The following PAPPA variants were observed in gnomAD, a reference collection of about 807,000 sequenced individuals.
PAPPA encodes the protein pappalysin 1.
PAPPA carries 60 observed loss-of-function variants against 164.0 expected under a neutral mutation model. The observed-to-expected ratio is 0.37, with a 90% CI of 0.30 to 0.45. The LOEUF (loss-of-function observed/expected upper bound fraction) is 0.45. PAPPA is among the 20% of genes least tolerant of loss of function. The pLI, the probability that PAPPA is intolerant of heterozygous loss-of-function variation, is 1.00. For missense variants in PAPPA, 1,782 were observed against 2,087.3 expected (o/e 0.85, Z 2.85); for synonymous variants, 875 against 814.1 (o/e 1.07, Z -1.27).
intron 20 of PAPPA, among the ~76,000 whole-genome samples, chr9:116,380,773 G>C (rs1015645125): frequency 6.6e-6 from 1 of 152,178 alleles, no homozygotes; most frequent in Non-Finnish European, 1.5e-5. Flanking sequence ...TTAGACTCTA[G>C]TAGTAGAGTG....
At chr9:116,303,000 G>A (rs376737020) in intron 10 of PAPPA, 50 bp downstream of exon 10, 16 of 1,524,242 alleles carry the variant, frequency 1.0e-5, no homozygotes, top group East Asian at 2.3e-5. Flanking sequence ...CAAAGTCTCC[G>A]CTATGCCCCA....
rs772241049 is a variant in PAPPA at position 116,396,626 on chromosome 9, A to G, written c.*10A>G. 1 of 779,722 alleles carries G rather than the reference A, an allele frequency of 1.3e-6. No individual in the cohort carries two copies. The highest frequency in any genetic ancestry group is 1.3e-5 in the South Asian group (1 of 74,534). 48.3% of individuals were successfully genotyped at this position (779,722 alleles called of 1,614,324 possible). ...ATACAGCCATGGCTAAGGAAGGACA[A>G]GAAGTTGTCAAAGAATTCCCAACGC... On this transcript the variant is annotated 3_prime_UTR_variant, in exon 22 of 22. Coordinates refer to ENST00000328252, the MANE Select transcript of PAPPA (RefSeq NM_002581.5).
chr9:116,195,605 G>T (rs1844094829), intron 2 of PAPPA, among the ~76,000 whole-genome samples: 1 of 152,188 alleles, frequency 6.6e-6, no homozygotes, highest in Non-Finnish European at 1.5e-5. Flanking sequence ...GTGGTTTAGA[G>T]GATTGGATGA....
At chr9:116,314,099 G>A (rs936556066) in intron 10 of PAPPA, among the ~76,000 whole-genome samples, 6 of 113,826 alleles carry the variant, frequency 5.3e-5, no homozygotes, top group African/African-American at 2.0e-4. Context: ...TTGAGATGGA[G>A]TCTCACTCTT....
intron 9 of PAPPA, among the ~76,000 whole-genome samples, chr9:116,284,545 CTTTTTTTTTTTTT>C (rs61248033): frequency 1.1e-5 from 1 of 88,240 alleles, no homozygotes; most frequent in African/African-American, 4.6e-5. Flanking sequence ...TAGTCTGGGC[CTTTTTTTTTTTTT>C]TTTTTTTTTT....
intron 1 of PAPPA, among the ~76,000 whole-genome samples, chr9:116,171,107 A>T (rs1312607545): frequency 6.6e-6 from 1 of 152,198 alleles, no homozygotes; most frequent in East Asian, 1.9e-4. Context: ...CCCTTAGGTT[A>T]GCAGGTACTG....
intron 9 of PAPPA, among the ~76,000 whole-genome samples, chr9:116,299,682 G>A (rs761099626): frequency 1.3e-5 from 2 of 152,160 alleles, no homozygotes; most frequent in Non-Finnish European, 2.9e-5. Flanking sequence ...GTAGGGAGAA[G>A]ATTTCTCTGC....
intron 7 of PAPPA, among the ~76,000 whole-genome samples, chr9:116,237,206 C>A (rs1022429294): frequency 3.3e-5 from 5 of 152,232 alleles, no homozygotes; most frequent in African/African-American, 1.2e-4. Context: ...ATGTGCACAT[C>A]ACAGGCAAAC....
At position 116,184,206 on chromosome 9, in the gene PAPPA, A is replaced by G. The variant is rs536097392; in HGVS notation, c.416-2948A>G. ...GGAACCTCTGCTCTCAACTGGTTCC[A>G]TAACAGGCAGCAACAGATAGATCTG... On this transcript the variant is annotated intron_variant, in intron 1 of 21. Coordinates refer to ENST00000328252, the MANE Select transcript of PAPPA (RefSeq NM_002581.5). Among the ~76,000 whole-genome samples, 4 of 152,354 alleles carry G rather than the reference A, an allele frequency of 2.6e-5. No homozygotes were observed. The South Asian group carries it at 8.3e-4, about 32-fold the overall frequency.
At position 116,330,448 on chromosome 9, in the gene PAPPA, T is replaced by C. The variant is rs114666076; in HGVS notation, c.3148-796T>C. On this transcript the variant is annotated intron_variant, in intron 10 of 21. Transcript: ENST00000328252. ...TGACAAGCAATAGTTACTCAATAAA[T>C]ATCATTTGAATGAATGAATGAACCA... 4.0e-3 allele frequency among the ~76,000 whole-genome samples: 614 copies of C among 152,350 alleles called. 3 individuals carry two copies. The highest frequency in any genetic ancestry group is 0.014 in the African/African-American group (578 of 41,576).
intron 2 of PAPPA, among the ~76,000 whole-genome samples, chr9:116,197,538 C>G (rs1206223904): frequency 6.6e-6 from 1 of 152,232 alleles, no homozygotes; most frequent in Non-Finnish European, 1.5e-5. Context: ...GTGGCATCCT[C>G]TTTCCAAAAA....
chr9:116,364,781 G>GT (rs1331126265), intron 18 of PAPPA, among the ~76,000 whole-genome samples: 1 of 152,134 alleles, frequency 6.6e-6, no homozygotes, highest in Non-Finnish European at 1.5e-5. Flanking sequence ...TGGGAGGGTG[G>GT]TATTTCTTTA....
intron 20 of PAPPA, 120 bp downstream of exon 20, chr9:116,377,767 T>G: frequency 1.4e-6 from 1 of 713,546 alleles, no homozygotes. Context: ...AAATATCCAT[T>G]TAGCAGACTT....
intron 5 of PAPPA, 27 bp downstream of exon 5, chr9:116,220,156 C>T (rs781723014): frequency 6.5e-7 from 1 of 1,533,638 alleles, no homozygotes; most frequent in Non-Finnish European, 8.9e-7. Context: ...TAGTGTTGAT[C>T]CCTCTCTCTC....
chr9:116,214,523 T>G (rs534785630), intron 4 of PAPPA, among the ~76,000 whole-genome samples: 1 of 152,304 alleles, frequency 6.6e-6, no homozygotes, highest in African/African-American at 2.4e-5. Flanking sequence ...TGCCTCATTT[T>G]CTGGTTGTGG....
At chr9:116,175,717 G>A (rs189380573) in intron 1 of PAPPA, among the ~76,000 whole-genome samples, 63 of 152,216 alleles carry the variant, frequency 4.1e-4, no homozygotes, top group African/African-American at 1.4e-3. Flanking sequence ...TGGTGATACA[G>A]GCTCTATATA....
At position 116,289,421 on chromosome 9, in the gene PAPPA, C is replaced by CAT. The variant is rs149045092; in HGVS notation, c.2954-13324_2954-13323dup. ...CTATATATATATAGCATATATATAG[C>CAT]ATATATATATATAGACTTTCATTTG... is the stretch of plus-strand genomic sequence containing the variant. On this transcript the variant is annotated intron_variant, in intron 9 of 21. Transcript: ENST00000328252. 1.6e-3 allele frequency among the ~76,000 whole-genome samples: 222 copies of CAT among 141,812 alleles called. 1 individual carries two copies. The highest frequency in any genetic ancestry group is 5.5e-3 in the African/African-American group (212 of 38,402). 93.0% of individuals were successfully genotyped at this position (141,812 alleles called of 152,430 possible).
intron 1 of PAPPA, among the ~76,000 whole-genome samples, chr9:116,169,853 G>T (rs1469969882): frequency 6.6e-6 from 1 of 151,924 alleles, no homozygotes; most frequent in African/African-American, 2.4e-5. Flanking sequence ...AGAATGGATT[G>T]CATGAGGCCA....
intron 10 of PAPPA, among the ~76,000 whole-genome samples, chr9:116,320,415 G>T (rs1845839598): frequency 6.6e-6 from 1 of 152,228 alleles, no homozygotes; most frequent in African/African-American, 2.4e-5. Context: ...TGTCTCCTGG[G>T]TAGAGGCTCT....
Sources: gnomAD v4.1 joint callset for allele counts (sites outside exome capture counted in the v4.1 genomes callset) on GRCh38, gnomAD v4.1.1 for gene constraint, MANE v1.5 for transcripts, NCBI Gene and HGNC (gene_info 2026-07-23, HGNC 2026-07-21) for gene names.